Variants in FAM107B observed in about 807,000 individuals in gnomAD.
FAM107B encodes the protein protein FAM107B.
In FAM107B, 21 loss-of-function variants were observed where a neutral mutation model predicts 31.5. The observed-to-expected ratio is 0.67, with a 90% confidence interval of 0.47 to 0.96. The LOEUF is 0.96. Among genes scored for constraint, FAM107B ranks in the 40% least tolerant of loss-of-function variants. FAM107B has a pLI of 0.00. For synonymous variants in FAM107B, 157 were observed against 141.5 expected (o/e 1.11, Z -0.78); for missense variants, 452 against 377.1 (o/e 1.20, Z -1.64).
At chr10:14,609,137 C>T (rs556460792) in intron 2 of FAM107B, among the ~76,000 whole-genome samples, 239 of 152,284 alleles carry the variant, frequency 1.6e-3, no homozygotes, top group Middle Eastern at 6.8e-3. Flanking sequence ...AAACAACAAA[C>T]GCTTTGGGAC....
At chr10:14,615,448 G>A (rs1376874529) in intron 2 of FAM107B, among the ~76,000 whole-genome samples, 1 of 152,234 alleles carries the variant, frequency 6.6e-6, no homozygotes, top group Non-Finnish European at 1.5e-5. Flanking sequence ...AGGCCTTGCT[G>A]AAGTGAACTC....
chr10:14,657,559 AT>A (rs1854096141), intron 2 of FAM107B, among the ~76,000 whole-genome samples: 1 of 152,174 alleles, frequency 6.6e-6, no homozygotes, highest in Admixed American at 6.5e-5. Context: ...TTCCAGGGCA[AT>A]TTCCACAGAC....
chr10:14,525,479 G>A (rs1004339386), intron 3 of FAM107B, among the ~76,000 whole-genome samples: 2 of 152,088 alleles, frequency 1.3e-5, no homozygotes, highest in African/African-American at 2.4e-5. Context: ...TCCATTAAAC[G>A]AATCGAGGAG....
chr10:14,653,677 C>A (rs937565531), intron 2 of FAM107B, among the ~76,000 whole-genome samples: 10 of 152,208 alleles, frequency 6.6e-5, no homozygotes, highest in Non-Finnish European at 1.3e-4. Context: ...TGTAATTATT[C>A]ATTACTGAAA....
intron 2 of FAM107B, among the ~76,000 whole-genome samples, chr10:14,604,972 CCA>C: frequency 6.6e-6 from 1 of 152,112 alleles, no homozygotes; most frequent in Non-Finnish European, 1.5e-5. Flanking sequence ...CACAAAGTAC[CCA>C]AGAGCGTCTC....
chr10:14,557,434 G>A (rs546139102), intron 2 of FAM107B, among the ~76,000 whole-genome samples: 125 of 152,194 alleles, frequency 8.2e-4, no homozygotes, highest in Non-Finnish European at 5.3e-4. Flanking sequence ...TGCGAAAACA[G>A]CTGTTCACTG....
intron 2 of FAM107B, among the ~76,000 whole-genome samples, chr10:14,590,196 C>T (rs1231871036): frequency 6.6e-6 from 1 of 152,198 alleles, no homozygotes; most frequent in Admixed American, 6.5e-5. Context: ...CTTCTCCAAG[C>T]TCAAGACCTC....
At chr10:14,582,969 C>T (rs11259203) in intron 2 of FAM107B, among the ~76,000 whole-genome samples, 5,269 of 151,764 alleles carry the variant, frequency 0.035, 139 homozygotes, top group Non-Finnish European at 0.053. Context: ...CCCTATAATC[C>T]CAGCTACTTG....
intron 2 of FAM107B, among the ~76,000 whole-genome samples, chr10:14,648,780 C>G (rs1174089288): frequency 6.6e-6 from 1 of 152,206 alleles, no homozygotes; most frequent in East Asian, 1.9e-4. Flanking sequence ...CAGTACTTTC[C>G]ACACCATTCT....
intron 1 of FAM107B, among the ~76,000 whole-genome samples, chr10:14,702,057 T>A (rs1294979689): frequency 2.6e-5 from 4 of 152,256 alleles, no homozygotes; most frequent in African/African-American, 7.2e-5. Flanking sequence ...TCTTTTCAGA[T>A]GAAGAGCAGG....
At chr10:14,586,287 A>G (rs994339420) in intron 2 of FAM107B, among the ~76,000 whole-genome samples, 1 of 152,066 alleles carries the variant, frequency 6.6e-6, no homozygotes, top group Non-Finnish European at 1.5e-5. Flanking sequence ...TAAGAATCCT[A>G]CCTGTAGCAA....
intron 2 of FAM107B, among the ~76,000 whole-genome samples, chr10:14,530,740 G>T (rs939471295): frequency 3.9e-5 from 6 of 152,164 alleles, no homozygotes; most frequent in African/African-American, 1.4e-4. Flanking sequence ...TAAGGCCAGG[G>T]AGCCCTGTGG....
intron 2 of FAM107B, among the ~76,000 whole-genome samples, chr10:14,607,915 A>C (rs1016804370): frequency 2.6e-5 from 4 of 152,186 alleles, no homozygotes; most frequent in Admixed American, 2.6e-4. Context: ...GCAGCAACCT[A>C]CAGGGTCACC....
intron 2 of FAM107B, among the ~76,000 whole-genome samples, chr10:14,589,377 C>T (rs1289734278): frequency 6.6e-6 from 1 of 152,062 alleles, no homozygotes. Flanking sequence ...AAGCCAGGCA[C>T]AATTACCAAT....
chr10:14,724,821 C>T (rs1855994332), intron 1 of FAM107B, among the ~76,000 whole-genome samples: 1 of 152,170 alleles, frequency 6.6e-6, no homozygotes, highest in Non-Finnish European at 1.5e-5. Flanking sequence ...GGCCCCAACA[C>T]CTAGGTCCTA....
intron 1 of FAM107B, among the ~76,000 whole-genome samples, chr10:14,687,169 C>T (rs1300326728): frequency 6.6e-6 from 1 of 152,202 alleles, no homozygotes; most frequent in Non-Finnish European, 1.5e-5. Context: ...TCTAGAAAGG[C>T]AATGCCATCT....
At chr10:14,690,467 T>A (rs1158650469) in intron 1 of FAM107B, among the ~76,000 whole-genome samples, 1 of 152,014 alleles carries the variant, frequency 6.6e-6, no homozygotes, top group East Asian at 1.9e-4. Context: ...TTTTTTTATT[T>A]TTTTGAGATG....
chr10:14,718,323 A>G (rs1855827287), intron 1 of FAM107B, among the ~76,000 whole-genome samples: 1 of 151,782 alleles, frequency 6.6e-6, no homozygotes, highest in South Asian at 2.1e-4. Context: ...CCTGAGCAAC[A>G]GAGCGAGACT....
intron 3 of FAM107B, among the ~76,000 whole-genome samples, chr10:14,525,019 C>G (rs982823652): frequency 6.6e-6 from 1 of 152,152 alleles, no homozygotes; most frequent in South Asian, 2.1e-4. Context: ...GATAAATATT[C>G]TCTACTTACA....
Sources: gnomAD v4.1 joint callset for allele counts (sites outside exome capture counted in the v4.1 genomes callset) on GRCh38, gnomAD v4.1.1 for gene constraint, MANE v1.5 for transcripts, NCBI Gene and HGNC (gene_info 2026-07-23, HGNC 2026-07-21) for gene names.